The following SREBF2 variants were observed in gnomAD, a reference collection of about 807,000 sequenced individuals.
SREBF2 encodes sterol regulatory element binding transcription factor 2, also known as sterol regulatory element-binding protein 2.
In SREBF2, 55 loss-of-function variants were observed where a neutral mutation model predicts 113.1. The observed-to-expected ratio is 0.49, with a 90% CI of 0.39 to 0.61. The LOEUF (loss-of-function observed/expected upper bound fraction) is 0.61, where lower values mean the gene tolerates loss of function less well. SREBF2 is among the 20% of genes least tolerant of loss of function. The pLI, the probability that SREBF2 is intolerant of heterozygous loss-of-function variation, is 0.00. For missense variants in SREBF2, 1,349 were observed against 1,487.4 expected, an observed-to-expected ratio of 0.91 and a Z score of 1.53; for synonymous variants, 593 against 605.7, an observed-to-expected ratio of 0.98 and a Z score of 0.31.
rs568860844 is a variant in SREBF2, at chr22:41,882,284, C to T, written c.2038+1292C>T. On this transcript the variant is annotated intron_variant, in intron 10 of 18. Transcript: ENST00000361204. Reference sequence around the variant, plus strand: ...GTTCTTCCTTGGGAGTTTGGGTGAGCGATGGTGCCACCAACAAAGGTAAAG... The same window carrying T: ...GTTCTTCCTTGGGAGTTTGGGTGAGTGATGGTGCCACCAACAAAGGTAAAG... Among the ~76,000 whole-genome samples, 6 of 152,136 alleles carry T rather than the reference C, an allele frequency of 3.9e-5. No individual in the cohort carries two copies. The South Asian group carries it at 6.3e-4, about 16-fold the overall frequency.
chr22:41,849,055 T>C (rs759870773), intron 1 of SREBF2, among the ~76,000 whole-genome samples: 1 of 152,220 alleles, frequency 6.6e-6, no homozygotes, highest in Non-Finnish European at 1.5e-5. Flanking sequence ...CATACGTATA[T>C]ATACACTGAA....
intron 1 of SREBF2, among the ~76,000 whole-genome samples, chr22:41,844,059 C>G (rs2076855993): frequency 6.8e-6 from 1 of 148,144 alleles, no homozygotes; most frequent in Non-Finnish European, 1.5e-5. Flanking sequence ...CACACACACA[C>G]ACACACGTAT....
chr22:41,878,853 C>T, intron 9 of SREBF2: 2 of 743,282 alleles, frequency 2.7e-6, no homozygotes, highest in Non-Finnish European at 4.1e-6. Flanking sequence ...CTTGCTGGGG[C>T]TATGGGTCTC....
At chr22:41,875,130 T>C (rs1469406132) in intron 5 of SREBF2, among the ~76,000 whole-genome samples, 1 of 152,230 alleles carries the variant, frequency 6.6e-6, no homozygotes, top group African/African-American at 2.4e-5. Context: ...GCTTTCATTA[T>C]CTCTGTGCTA....
intron 11 of SREBF2, among the ~76,000 whole-genome samples, chr22:41,890,299 G>C (rs1022085256): frequency 6.6e-6 from 1 of 152,214 alleles, no homozygotes; most frequent in Admixed American, 6.5e-5. Context: ...AAGGAAGCTA[G>C]TGTGGTCTCA....
chr22:41,862,598 A>G (rs2077037000), intron 1 of SREBF2, among the ~76,000 whole-genome samples: 1 of 152,198 alleles, frequency 6.6e-6, no homozygotes, highest in South Asian at 2.1e-4. Context: ...AGCCTGTGTA[A>G]TCACAGAATG....
chr22:41,877,277 C>T lies in SREBF2; in HGVS notation c.1435C>T (p.Arg479Cys), dbSNP rs1368579675. ...SPPVALGMVD[R>C]SRILLCVLTF... ...TCCTGTGGCGCTGGGCATGGTAGAC[C>T]GCTCACGGATTCTTCTGTGTGTCCT... The change falls in exon 8 of 19, where the codon CGC becomes TGC. Residue 479 changes from arginine to cysteine, a missense_variant. By Grantham distance (180) the Arg-to-Cys change is radical. Around this residue, in one of 2 missense-constraint regions of SREBF2, gnomAD observed 699 missense variants for 843.3 expected, o/e 0.83. Transcript: ENST00000361204. 9 of 1,614,058 alleles carry T rather than the reference C, an allele frequency of 5.6e-6. No homozygotes were observed. The highest frequency in any genetic ancestry group is 3.3e-5 in the Admixed American group (2 of 59,990).
chr22:41,846,008 T>G (rs896671817), intron 1 of SREBF2, among the ~76,000 whole-genome samples: 1 of 152,178 alleles, frequency 6.6e-6, no homozygotes, highest in Non-Finnish European at 1.5e-5. Context: ...GCAGCTGTGT[T>G]CCAGGCTGAG....
In SREBF2 at chr22:41,867,287, C is replaced by A; in HGVS notation, c.538+7C>A. The A allele has an allele frequency of 6.2e-7, 1 of 1,614,024 alleles. No individual in the cohort carries two copies. The highest frequency in any genetic ancestry group is 1.1e-5 in the South Asian group (1 of 91,032). Reference sequence around the variant, plus strand: ...GCAGCTACTAGCTTTCAAGGTGATTCAGAAGTTAGAATGGTAGTGGTTGGT... The same window carrying A: ...GCAGCTACTAGCTTTCAAGGTGATTAAGAAGTTAGAATGGTAGTGGTTGGT... On this transcript the variant is annotated splice_region_variant and intron_variant, in intron 2 of 18. Transcript: ENST00000361204.
chr22:41,871,558 G>A (rs1188430824), intron 4 of SREBF2, among the ~76,000 whole-genome samples: 1 of 152,154 alleles, frequency 6.6e-6, no homozygotes, highest in Non-Finnish European at 1.5e-5. Flanking sequence ...TAAGCACATT[G>A]TGATATATTC....
intron 1 of SREBF2, among the ~76,000 whole-genome samples, chr22:41,851,687 G>T (rs1287211796): frequency 6.6e-6 from 1 of 151,774 alleles, no homozygotes; most frequent in Non-Finnish European, 1.5e-5. Context: ...TAGAGAGAGG[G>T]TTTCACCCTG....
Position 41,866,836 on chromosome 22 carries a change from C to G in SREBF2, c.94C>G (p.Leu32Val), listed in dbSNP as rs140856470. The change falls in exon 2 of 19, where the codon CTG becomes GTG. Residue 32 changes from leucine (L) to valine (V), a missense_variant. By Grantham distance (32) the Leu-to-Val change is conservative. Transcript: ENST00000361204. ...ELTLGDIDEM[L>V]QFVSNQVGEF... is the part of the protein sequence containing the mutation. Reference sequence around the variant, plus strand: ...TCCTTTTCTTTTGTTCACAGAGATGCTGCAATTTGTCAGTAATCAAGTGGG... The same window carrying G: ...TCCTTTTCTTTTGTTCACAGAGATGGTGCAATTTGTCAGTAATCAAGTGGG... The G allele has an allele frequency of 2.4e-5, 38 of 1,614,066 alleles. No homozygotes were observed. Among genetic ancestry groups the G allele is most frequent in the Non-Finnish European group, 3.1e-5 (36 of 1,180,036 alleles).
intron 1 of SREBF2, among the ~76,000 whole-genome samples, chr22:41,864,638 TTTTG>T (rs1162575995): frequency 5.3e-5 from 8 of 151,888 alleles, no homozygotes; most frequent in Admixed American, 2.6e-4. Flanking sequence ...CTTTGTGTTT[TTTTG>T]TTTGTTTGTT....
intron 1 of SREBF2, among the ~76,000 whole-genome samples, chr22:41,862,439 C>T (rs890393181): frequency 3.9e-5 from 6 of 152,298 alleles, no homozygotes; most frequent in South Asian, 4.1e-4. Flanking sequence ...TGAGCTTGAG[C>T]GTGCCAGCCT....
rs552500792 is a variant in SREBF2, at chr22:41,878,553, G to A, written c.1761+430G>A. The A allele has an allele frequency of 3.3e-4, 221 of 671,322 alleles. No homozygotes were observed. In the African/African-American group the frequency reaches 3.6e-3, roughly 11 times the overall value. The allele number at this position is 671,322 out of a possible 1,614,324, so 41.6% of individuals were successfully genotyped here. On this transcript the variant is annotated intron_variant, in intron 9 of 18. Transcript: ENST00000361204. The stretch of plus-strand genomic sequence containing the variant: ...TGTGTCTAGGCCCAAATTGGAGAGG[G>A]CTTTCACTAGGAACTGATTTGGGGC...
chr22:41,898,103 G>A (rs1335868006), intron 14 of SREBF2, among the ~76,000 whole-genome samples: 1 of 151,600 alleles, frequency 6.6e-6, no homozygotes, highest in African/African-American at 2.4e-5. Flanking sequence ...CTAGCTTAAC[G>A]GGAGTGAACT....
At chr22:41,893,049 C>T (rs1247972919) in intron 11 of SREBF2, 68 bp from the exon 12 acceptor site, 9 of 1,585,190 alleles carry the variant, frequency 5.7e-6, no homozygotes, top group South Asian at 1.1e-5. Flanking sequence ...GTGCTTTCTG[C>T]ACCCCACAGT....
intron 10 of SREBF2, among the ~76,000 whole-genome samples, chr22:41,883,032 G>A (rs2077263916): frequency 6.6e-6 from 1 of 152,214 alleles, no homozygotes. Flanking sequence ...ACTTGAGCCT[G>A]GGAGGTAGAT....
In SREBF2 at chr22:41,853,528, T is replaced by G. The variant is rs372723652; in HGVS notation, c.89-13303T>G. Among the ~76,000 whole-genome samples the G allele has an allele frequency of 5.9e-5, 9 of 152,342 alleles. No homozygotes were observed. In the East Asian group the frequency reaches 7.7e-4, roughly 13 times the overall value. The stretch of plus-strand genomic sequence containing the variant: ...ACCATATTGTGATCCTTTCACTAAC[T>G]CTTTGAGGTCAAGGACTAATTTATT... On this transcript the variant is annotated intron_variant, in intron 1 of 18. Coordinates refer to ENST00000361204, the MANE Select transcript of SREBF2 (RefSeq NM_004599.4).
Sources: allele counts gnomAD v4.1 joint callset (sites outside exome capture counted in the v4.1 genomes callset), GRCh38; gene constraint gnomAD v4.1.1; regional missense constraint gnomAD v4.1.1; transcripts MANE v1.5; gene names NCBI Gene and HGNC (gene_info 2026-07-23, HGNC 2026-07-21).